Variants in DROSHA observed in about 807,000 individuals in gnomAD.
The protein encoded by DROSHA is ribonuclease 3.
DROSHA carries 56 observed loss-of-function variants against 181.9 expected under a neutral mutation model. The ratio of observed to expected loss-of-function variants is 0.31; its 90% confidence interval spans 0.25 to 0.38. The LOEUF (loss-of-function observed/expected upper bound fraction) is 0.38. Among genes scored for constraint, DROSHA ranks in the 10% least tolerant of loss-of-function variants. The probability of loss-of-function intolerance (pLI) is 1.00; values close to 1 mark genes in which losing one functional copy is unlikely to be tolerated. For missense variants in DROSHA, 1,218 were observed against 1,743.5 expected, an observed-to-expected ratio of 0.70 and a Z score of 5.37; for synonymous variants, 524 against 591.2, an observed-to-expected ratio of 0.89 and a Z score of 1.65.
intron 6 of DROSHA, among the ~76,000 whole-genome samples, chr5:31,516,519 G>C (rs1739288548): frequency 6.6e-6 from 1 of 152,114 alleles, no homozygotes; most frequent in African/African-American, 2.4e-5. Flanking sequence ...TATGTGTGTA[G>C]GTATGTATAC....
At position 31,409,243 on chromosome 5, in the gene DROSHA, A is replaced by T. The variant is rs1364599514; in HGVS notation, c.3750+7T>A. 1 of 1,599,530 alleles carries T rather than the reference A, an allele frequency of 6.3e-7. No homozygotes were observed. Among genetic ancestry groups the T allele is most frequent in the Admixed American group, 1.7e-5 (1 of 57,526 alleles). Reference sequence around the variant, plus strand: ...AGACCACTAATTCAAACTTTATATGAGCTTACTTTCAATCGTGGAAAGAAG... The same window carrying T: ...AGACCACTAATTCAAACTTTATATGTGCTTACTTTCAATCGTGGAAAGAAG... On this transcript the variant is annotated splice_region_variant and intron_variant, in intron 32 of 35. Coordinates refer to ENST00000344624, the MANE Select transcript of DROSHA (RefSeq NM_001382508.1). The surrounding 1 kb of genome is among the most constrained non-coding windows in gnomAD (Gnocchi z 4.0).
At chr5:31,425,778 T>A (rs1743391066) in intron 27 of DROSHA, among the ~76,000 whole-genome samples, 1 of 152,124 alleles carries the variant, frequency 6.6e-6, no homozygotes, top group South Asian at 2.1e-4. Context: ...GACGGCAGGC[T>A]TAGGAGTCAG....
At chr5:31,500,352 A>T (rs1327835878) in intron 11 of DROSHA, among the ~76,000 whole-genome samples, 1 of 152,236 alleles carries the variant, frequency 6.6e-6, no homozygotes, top group Non-Finnish European at 1.5e-5. Flanking sequence ...GGGCCAGAAC[A>T]TAAAATTGTT....
intron 16 of DROSHA, among the ~76,000 whole-genome samples, chr5:31,477,239 A>T (rs1358472562): frequency 6.6e-6 from 1 of 152,124 alleles, no homozygotes; most frequent in African/African-American, 2.4e-5. Context: ...TTATATGGTT[A>T]TTTGGGGAGG....
At chr5:31,417,526 C>A (rs183867634) in intron 30 of DROSHA, among the ~76,000 whole-genome samples, 3 of 150,418 alleles carry the variant, frequency 2.0e-5, no homozygotes, top group African/African-American at 7.4e-5. Flanking sequence ...TGGCTCAGAC[C>A]GGGTGATAAC....
At chr5:31,453,928 TAAAA>T (rs59797989) in intron 20 of DROSHA, among the ~76,000 whole-genome samples, 4 of 136,352 alleles carry the variant, frequency 2.9e-5, no homozygotes, top group Non-Finnish European at 4.9e-5. Flanking sequence ...CTGCTTTAAT[TAAAA>T]AAAAAAAAAA....
chr5:31,515,143 C>T lies in DROSHA; in HGVS notation c.1135G>A (p.Gly379Ser), dbSNP rs200485820. 1.9e-4 allele frequency: 311 copies of T among 1,613,840 alleles called. No homozygotes were observed. Among genetic ancestry groups the T allele is most frequent in the Non-Finnish European group, 2.5e-4 (292 of 1,179,890 alleles). ...KDRWSDNQSS[G>S]KDKNYTSIKE... ...ATTGAGGTATAGTTCTTGTCTTTGCCAGAACTCTGGTTGTCACTCCAACGG... is the reference window on the plus strand; with the variant it reads ...ATTGAGGTATAGTTCTTGTCTTTGCTAGAACTCTGGTTGTCACTCCAACGG... The change falls in exon 8 of 36, where the codon GGC becomes AGC. Residue 379 changes from glycine to serine, a missense_variant. Transcript: ENST00000344624.
rs760926045 is a variant in DROSHA, at chr5:31,515,473, G to A, written c.1039C>T (p.Pro347Ser). 29 of 1,413,106 alleles carry A rather than the reference G, an allele frequency of 2.1e-5. No individual in the cohort carries two copies. The highest frequency in any genetic ancestry group is 1.5e-4 in the East Asian group (6 of 40,368). The allele number at this position is 1,413,106 out of a possible 1,614,324, so 87.5% of individuals were successfully genotyped here. Residue 347 changes from proline (P) to serine (S), a missense_variant, in exon 7 of 36, where the codon CCC becomes TCC. Around this residue, in one of 8 missense-constraint regions of DROSHA, gnomAD observed 536 missense variants for 535.4 expected, o/e 1.00. Coordinates refer to ENST00000344624, the MANE Select transcript of DROSHA (RefSeq NM_001382508.1). ...IIKNTDSWAP[P>S]LEIVNHRSPS... ...ACTTACTGATTCACAATCTCCAGGG[G>A]TGGGGCCCAAGAATCTGTATTTTTA...
At position 31,468,838 on chromosome 5, in the gene DROSHA, T is replaced by C. The variant is rs1749414295; in HGVS notation, c.2242-775A>G. 2.0e-5 allele frequency among the ~76,000 whole-genome samples: 3 copies of C among 152,198 alleles called. No homozygotes were observed. In the South Asian group the frequency reaches 6.2e-4, roughly 32 times the overall value. ...TGTAGAGTCTGCGGCTCAGTTGCTT[T>C]GGAGGCTAAGGCTGTTAAAACTGAT... On this transcript the variant is annotated intron_variant, in intron 17 of 35. Coordinates refer to ENST00000344624, the MANE Select transcript of DROSHA (RefSeq NM_001382508.1).
At chr5:31,424,760 A>G (rs1395139774) in intron 27 of DROSHA, among the ~76,000 whole-genome samples, 1 of 152,148 alleles carries the variant, frequency 6.6e-6, no homozygotes, top group Non-Finnish European at 1.5e-5. Flanking sequence ...AACTTAATAC[A>G]CTGCACTAAG....
intron 13 of DROSHA, among the ~76,000 whole-genome samples, chr5:31,490,334 ACCACAC>A (rs1752264208): frequency 6.6e-6 from 1 of 151,978 alleles, no homozygotes; most frequent in Admixed American, 6.6e-5. Flanking sequence ...GACAGGCATT[ACCACAC>A]CCAGCTAATA....
intron 24 of DROSHA, among the ~76,000 whole-genome samples, chr5:31,436,595 G>A (rs1744817740): frequency 6.6e-6 from 1 of 152,100 alleles, no homozygotes; most frequent in South Asian, 2.1e-4. Flanking sequence ...GTTTCGCCAT[G>A]TTGGCCAGGC....
intron 6 of DROSHA, 75 bp downstream of exon 6, chr5:31,521,048 T>C (rs1739833860): frequency 6.9e-7 from 1 of 1,453,762 alleles, no homozygotes; most frequent in Admixed American, 1.7e-5. Context: ...ACTTGGCTGT[T>C]GCTCCATACA....
intron 5 of DROSHA, among the ~76,000 whole-genome samples, chr5:31,524,543 G>C (rs958899185): frequency 2.6e-5 from 4 of 152,196 alleles, no homozygotes; most frequent in East Asian, 1.9e-4. Flanking sequence ...TCAGTGTAAG[G>C]GTTCACTGAG....
intron 15 of DROSHA, among the ~76,000 whole-genome samples, chr5:31,484,168 G>A (rs926683408): frequency 2.0e-5 from 3 of 151,864 alleles, no homozygotes; most frequent in African/African-American, 4.8e-5. Context: ...TCAGGATATC[G>A]AGACCAACCT....
At chr5:31,445,207 AC>A (rs1374853519) in intron 23 of DROSHA, among the ~76,000 whole-genome samples, 2 of 152,306 alleles carry the variant, frequency 1.3e-5, no homozygotes, top group African/African-American at 4.8e-5. Flanking sequence ...AACCTGCTGT[AC>A]CTCACACACA....
At chr5:31,446,011 A>G (rs952141097) in intron 23 of DROSHA, among the ~76,000 whole-genome samples, 1 of 152,242 alleles carries the variant, frequency 6.6e-6, no homozygotes, top group Non-Finnish European at 1.5e-5. Context: ...TATTTCAAAA[A>G]TAACAAAATC....
At chr5:31,465,986 A>G (rs1356391639) in intron 19 of DROSHA, among the ~76,000 whole-genome samples, 196 bp downstream of exon 19, 1 of 152,192 alleles carries the variant, frequency 6.6e-6, no homozygotes, top group Non-Finnish European at 1.5e-5. Flanking sequence ...TAATACAGGG[A>G]TAAAAAGGCT....
intron 30 of DROSHA, among the ~76,000 whole-genome samples, chr5:31,413,872 C>T (rs1561121656): frequency 6.6e-6 from 1 of 152,208 alleles, no homozygotes; most frequent in Non-Finnish European, 1.5e-5. Context: ...GGTGCCCAGG[C>T]TTCTTTCAAG....
Sources: allele counts gnomAD v4.1 joint callset (sites outside exome capture counted in the v4.1 genomes callset), GRCh38; gene constraint gnomAD v4.1.1; regional missense constraint gnomAD v4.1.1; non-coding constraint Gnocchi (gnomAD v3.1); transcripts MANE v1.5; gene names NCBI Gene and HGNC (gene_info 2026-07-23, HGNC 2026-07-21).